The following TEX101 variants were observed in gnomAD, a reference collection of about 807,000 sequenced individuals.
TEX101 encodes testis-expressed protein 101.
Under a neutral mutation model 18.1 loss-of-function variants are expected in TEX101, and 10 were observed. That is an observed-to-expected ratio of 0.55 (90% CI 0.34 to 0.94). The LOEUF is 0.94. Ranked by LOEUF, TEX101 falls within the 40% of genes least tolerant of loss-of-function variation. The pLI, the probability that TEX101 is intolerant of heterozygous loss-of-function variation, is 0.02. For synonymous variants in TEX101, 94 were observed against 114.8 expected (o/e 0.82, Z 1.16); for missense variants, 259 against 298.9 (o/e 0.87, Z 0.98).
At chr19:43,396,930 G>A (rs758726025), upstream of TEX101, among the ~76,000 whole-genome samples, 2 of 145,638 alleles carry the variant, frequency 1.4e-5, no homozygotes, top group South Asian at 2.2e-4. Flanking sequence ...TCCGCCTTCC[G>A]GGTTCAGGGC....
the TEX101 span, among the ~76,000 whole-genome samples, chr19:43,391,157 C>G: frequency 1.2e-4 from 19 of 152,290 alleles, no homozygotes; most frequent in African/African-American, 4.6e-4. Flanking sequence ...TGGATGGACA[C>G]TGGGCTTGTT....
the TEX101 span, among the ~76,000 whole-genome samples, chr19:43,394,404 C>T: frequency 1.3e-5 from 2 of 152,184 alleles, no homozygotes; most frequent in Non-Finnish European, 1.5e-5. Context: ...CAGAGACCAT[C>T]ACTTGGTCCT....
intron 3 of TEX101, among the ~76,000 whole-genome samples, chr19:43,407,718 T>C (rs1970380477): frequency 6.6e-6 from 1 of 152,158 alleles, no homozygotes; most frequent in Non-Finnish European, 1.5e-5. Flanking sequence ...AGTCAGAATA[T>C]GCCCAGGCAG....
chr19:43,413,345 C>CA (rs1340845256), upstream of TEX101, among the ~76,000 whole-genome samples: 9 of 151,776 alleles, frequency 5.9e-5, no homozygotes, highest in Admixed American at 3.3e-4. Flanking sequence ...ACTAAAAATA[C>CA]AAAAAAATTA....
At chr19:43,393,082 A>AGGAG in the TEX101 span, among the ~76,000 whole-genome samples, 1 of 149,064 alleles carries the variant, frequency 6.7e-6, no homozygotes, top group Non-Finnish European at 1.5e-5. Context: ...AAGGGAAGGA[A>AGGAG]GGAAGGAAGG....
chr19:43,391,406 C>CTTTTTTTTT, the TEX101 span, among the ~76,000 whole-genome samples: 27 of 95,894 alleles, frequency 2.8e-4, no homozygotes, highest in East Asian at 9.6e-4. Context: ...TTCTGTTTTT[C>CTTTTTTTTT]TTTTTTTTTT....
Position 43,416,412 on chromosome 19 carries a change from C to A in TEX101, c.248C>A (p.Pro83Gln), listed in dbSNP as rs148052365. The change falls in exon 4 of 6, where the codon CCG (proline) becomes CAG (glutamine). Residue 83 changes from proline to glutamine, a missense_variant. Pro to Gln is a moderately conservative substitution (Grantham distance 76). Coordinates refer to ENST00000598265, the MANE Select transcript of TEX101 (RefSeq NM_001130011.3). ...TAILATKGCI[P>Q]EGEEAITIVQ... is the part of the protein sequence containing the mutation. The stretch of plus-strand genomic sequence containing the variant: ...ATTTTGGCCACGAAGGGCTGCATCC[C>A]GGAAGGGGAGGAGGCCATAACAATT... 1.2e-6 allele frequency: 2 copies of A among 1,614,114 alleles called. No homozygotes were observed. The highest frequency in any genetic ancestry group is 1.1e-5 in the South Asian group (1 of 91,082).
intron 1 of TEX101, among the ~76,000 whole-genome samples, chr19:43,415,281 CT>C (rs1970461336): frequency 1.3e-5 from 2 of 152,010 alleles, no homozygotes. Flanking sequence ...TAAGGGACCC[CT>C]GAGACTGAGG....
the TEX101 span, among the ~76,000 whole-genome samples, chr19:43,391,903 C>A: frequency 1.3e-5 from 2 of 152,162 alleles, no homozygotes; most frequent in African/African-American, 2.4e-5. Context: ...AATATGGAAA[C>A]CTTCTTCCCT....
chr19:43,414,408 C>T (rs1031639677), upstream of TEX101, among the ~76,000 whole-genome samples: 1 of 152,104 alleles, frequency 6.6e-6, no homozygotes, highest in African/African-American at 2.4e-5. Context: ...CAGATGAAGA[C>T]GCCTGGGCTG....
chr19:43,417,470 T>G (rs1453103870), intron 4 of TEX101, among the ~76,000 whole-genome samples: 3 of 152,196 alleles, frequency 2.0e-5, no homozygotes, highest in African/African-American at 4.8e-5. Context: ...CATTTTCACA[T>G]AGCTAACCCC....
At chr19:43,388,945 G>A in the TEX101 span, among the ~76,000 whole-genome samples, 5 of 151,960 alleles carry the variant, frequency 3.3e-5, no homozygotes, top group African/African-American at 9.7e-5. Flanking sequence ...CTTTAAAGGC[G>A]GCTGCTCCCC....
chr19:43,392,297 G>A, the TEX101 span, among the ~76,000 whole-genome samples: 1 of 152,082 alleles, frequency 6.6e-6, no homozygotes, highest in Non-Finnish European at 1.5e-5. Flanking sequence ...GAGAGATTCA[G>A]GGCAGGACTA....
At chr19:43,406,695 G>A (rs1288705004) in intron 3 of TEX101, among the ~76,000 whole-genome samples, 1 of 152,140 alleles carries the variant, frequency 6.6e-6, no homozygotes, top group African/African-American at 2.4e-5. Context: ...TCTGAACGCA[G>A]ATGTCCGAAG....
chr19:43,393,116 G>A, the TEX101 span, among the ~76,000 whole-genome samples: 1 of 151,708 alleles, frequency 6.6e-6, no homozygotes, highest in Non-Finnish European at 1.5e-5. Flanking sequence ...AAGAAAGAAG[G>A]AAAGACAGAA....
upstream of TEX101, among the ~76,000 whole-genome samples, chr19:43,398,748 G>A (rs1427734471): frequency 6.6e-6 from 1 of 152,106 alleles, no homozygotes. Flanking sequence ...AACCTGCGTT[G>A]TTTACTAGTA....
chr19:43,390,965 A>T, the TEX101 span, among the ~76,000 whole-genome samples: 1 of 152,126 alleles, frequency 6.6e-6, no homozygotes, highest in East Asian at 1.9e-4. Context: ...GCATTTCACG[A>T]CGTTAGGCAC....
At chr19:43,404,631 AT>A (rs534630227) in intron 2 of TEX101, among the ~76,000 whole-genome samples, 52 of 151,804 alleles carry the variant, frequency 3.4e-4, no homozygotes, top group Non-Finnish European at 5.4e-4. Flanking sequence ...TGATTTTTTA[AT>A]TTTTTTCTAT....
Position 43,415,886 on chromosome 19 carries a change from G to A in TEX101, c.-34G>A. ...TCTCTCCATCAAATTCACAGATCCA[G>A]ACCAGCTCCTCCCAGACCTCTCCAG... is the stretch of plus-strand genomic sequence containing the variant. On this transcript the variant is annotated 5_prime_UTR_variant, in exon 2 of 6. Coordinates refer to ENST00000598265, the MANE Select transcript of TEX101 (RefSeq NM_001130011.3). The A allele has an allele frequency of 6.2e-7, 1 of 1,613,966 alleles. No individual in the cohort carries two copies. The highest frequency in any genetic ancestry group is 8.5e-7 in the Non-Finnish European group (1 of 1,179,964).
Sources: gnomAD v4.1 joint callset for allele counts (sites outside exome capture counted in the v4.1 genomes callset) on GRCh38, gnomAD v4.1.1 for gene constraint, MANE v1.5 for transcripts, NCBI Gene and HGNC (gene_info 2026-07-23, HGNC 2026-07-21) for gene names.